OSBP2: variants seen among roughly 807,000 people sequenced by gnomAD.
The protein encoded by OSBP2 is oxysterol-binding protein 2.
A neutral mutation model predicts 96.0 loss-of-function variants in OSBP2; 66 were observed. The ratio of observed to expected loss-of-function variants is 0.69; its 90% confidence interval spans 0.56 to 0.84. The LOEUF is 0.84. Ranked by LOEUF, OSBP2 falls within the 40% of genes least tolerant of loss-of-function variation. The probability of loss-of-function intolerance (pLI) is 0.00; values close to 1 mark genes in which losing one functional copy is unlikely to be tolerated. For synonymous variants in OSBP2, 525 were observed against 520.9 expected, an observed-to-expected ratio of 1.01 and a Z score of -0.11; for missense variants, 1,038 against 1,222.7, an observed-to-expected ratio of 0.85 and a Z score of 2.25.
At position 30,860,471 on chromosome 22, in the gene OSBP2, A is replaced by G. The variant is rs146099468; in HGVS notation, c.854-9958A>G. On this transcript the variant is annotated intron_variant, in intron 2 of 13. Transcript: ENST00000332585. ...CCTTCCATGCTGTCAAACAGGGCTC[A>G]GGGGAGAAGCTGAGCATCTTGCCAG... is the stretch of plus-strand genomic sequence containing the variant. Among the ~76,000 whole-genome samples, 135 of 152,354 alleles carry G rather than the reference A, an allele frequency of 8.9e-4. 2 individuals carry two copies. In the South Asian group the frequency reaches 9.3e-3, roughly 11 times the overall value.
In OSBP2 at chr22:30,862,384, G is replaced by A. The variant is rs372400766; in HGVS notation, c.854-8045G>A. Among the ~76,000 whole-genome samples the A allele has an allele frequency of 7.0e-4, 107 of 152,314 alleles. 1 individual carries two copies. The South Asian group carries it at 0.021, about 30-fold the overall frequency. On this transcript the variant is annotated intron_variant, in intron 2 of 13. Transcript: ENST00000332585. ...GGGTGGCAGGTGCCACTAGGCTGTCGGTAAAGATCAGCAGGCCAGGCACAG... is the reference window on the plus strand; with the variant it reads ...GGGTGGCAGGTGCCACTAGGCTGTCAGTAAAGATCAGCAGGCCAGGCACAG...
chr22:30,721,504 CTGTT>C (rs1335174385), intron 1 of OSBP2, among the ~76,000 whole-genome samples: 2 of 152,156 alleles, frequency 1.3e-5, no homozygotes, highest in Non-Finnish European at 2.9e-5. Flanking sequence ...CACGCAGACT[CTGTT>C]TGGGGAGTCT....
chr22:30,720,279 A>G lies in OSBP2; in HGVS notation c.645-20882A>G, dbSNP rs116243255. ...TGGATCATGAATTCACCTATGGGTG[A>G]TTAATTGGGGTGATCCTGAGTGGGC... On this transcript the variant is annotated intron_variant, in intron 1 of 13. Coordinates refer to ENST00000332585, the MANE Select transcript of OSBP2 (RefSeq NM_030758.4). 5.7e-3 allele frequency among the ~76,000 whole-genome samples: 873 copies of G among 152,256 alleles called. 12 individuals are homozygous for G. Among genetic ancestry groups the G allele is most frequent in the African/African-American group, 0.02 (832 of 41,544 alleles).
At position 30,887,478 on chromosome 22, in the gene OSBP2, G is replaced by A. The variant is rs773458323; in HGVS notation, c.1160G>A (p.Arg387Gln). Reference sequence around the variant, plus strand: ...GAGATACACAGTCGGAAATGGCAGCGGGCACTGCAGTATGAGCAGGAGCAG... The same window carrying A: ...GAGATACACAGTCGGAAATGGCAGCAGGCACTGCAGTATGAGCAGGAGCAG... Reference protein sequence around the residue: ...LAEIHSRKWQRALQYEQEQRV... With the variant: ...LAEIHSRKWQQALQYEQEQRV... The change falls in exon 4 of 14, where the codon CGG becomes CAG. Residue 387 changes from arginine to glutamine, a missense_variant. Physicochemically the swap from Arg to Gln is conservative, Grantham distance 43. Transcript: ENST00000332585. The A allele has an allele frequency of 8.1e-6, 13 of 1,613,770 alleles. No homozygotes were observed. The highest frequency in any genetic ancestry group is 2.2e-5 in the South Asian group (2 of 91,072).
chr22:30,842,240 T>C (rs907834875), intron 2 of OSBP2, among the ~76,000 whole-genome samples: 6 of 152,158 alleles, frequency 3.9e-5, no homozygotes, highest in African/African-American at 1.4e-4. Flanking sequence ...CAGCCAACTA[T>C]GAACAATGCA....
Position 30,710,656 on chromosome 22 carries a change from G to A in OSBP2, c.644+15103G>A, listed in dbSNP as rs1194382604. 1.3e-5 allele frequency among the ~76,000 whole-genome samples: 2 copies of A among 151,882 alleles called. 1 individual carries two copies. Among genetic ancestry groups the A allele is most frequent in the Non-Finnish European group, 2.9e-5 (2 of 67,992 alleles). Reference sequence around the variant, plus strand: ...GACAGGGTCTCACTCTGTCACCCAGGGTGCTGTACAGTGGTGCGATCTCAG... The same window carrying A: ...GACAGGGTCTCACTCTGTCACCCAGAGTGCTGTACAGTGGTGCGATCTCAG... On this transcript the variant is annotated intron_variant, in intron 1 of 13. Transcript: ENST00000332585.
rs1485142705 is a variant in OSBP2, at chr22:30,739,747, A to G, written c.645-1414A>G. Among the ~76,000 whole-genome samples the G allele has an allele frequency of 2.0e-5, 3 of 152,174 alleles. No homozygotes were observed. The East Asian group carries it at 5.8e-4, about 29-fold the overall frequency. ...GCAATAGAGAAAGAGTAATTCACAC[A>G]GAGTCTGCTGTGCGGGAGATGGGAG... On this transcript the variant is annotated intron_variant, in intron 1 of 13. Coordinates refer to ENST00000332585, the MANE Select transcript of OSBP2 (RefSeq NM_030758.4).
intron 2 of OSBP2, chr22:30,822,567 G>C: frequency 6.7e-7 from 1 of 1,483,394 alleles, no homozygotes. Flanking sequence ...ACGCGTCCGT[G>C]CAAGCCCCCG....
At chr22:30,793,158 G>A (rs1159795783) in intron 2 of OSBP2, among the ~76,000 whole-genome samples, 1 of 152,228 alleles carries the variant, frequency 6.6e-6, no homozygotes, top group African/African-American at 2.4e-5. Context: ...GGGAGGCTAA[G>A]GTGGGCGGAT....
intron 3 of OSBP2, among the ~76,000 whole-genome samples, chr22:30,882,407 C>T (rs555624345): frequency 6.6e-6 from 1 of 152,166 alleles, no homozygotes; most frequent in East Asian, 1.9e-4. Context: ...GTGAGATGCT[C>T]AGGGACTTGG....
At chr22:30,765,895 C>T (rs560204678) in intron 2 of OSBP2, among the ~76,000 whole-genome samples, 1 of 152,168 alleles carries the variant, frequency 6.6e-6, no homozygotes, top group Non-Finnish European at 1.5e-5. Context: ...ATGGTTCTCA[C>T]CCCAACTGAG....
Position 30,704,746 on chromosome 22 carries a change from G to A in OSBP2, c.644+9193G>A, listed in dbSNP as rs564778593. ...GTGCTGGTATTACAGGTGTGAGCTG[G>A]AAAGCAGATATTTGCCATAAATCAC... On this transcript the variant is annotated intron_variant, in intron 1 of 13. Coordinates refer to ENST00000332585, the MANE Select transcript of OSBP2 (RefSeq NM_030758.4). 1.8e-4 allele frequency among the ~76,000 whole-genome samples: 28 copies of A among 152,174 alleles called. 1 individual carries two copies. In the South Asian group the frequency reaches 5.6e-3, roughly 30 times the overall value.
intron 2 of OSBP2, among the ~76,000 whole-genome samples, chr22:30,810,397 C>T (rs922603443): frequency 1.3e-5 from 2 of 152,152 alleles, no homozygotes; most frequent in African/African-American, 2.4e-5. Flanking sequence ...TTATGACACC[C>T]TCTATCCATT....
intron 2 of OSBP2, among the ~76,000 whole-genome samples, chr22:30,864,056 C>T (rs1244010320): frequency 2.0e-5 from 3 of 151,838 alleles, no homozygotes; most frequent in Non-Finnish European, 2.9e-5. Context: ...CTACAACCTC[C>T]GCCTCCCAGG....
At chr22:30,776,643 G>A (rs1477646006) in intron 2 of OSBP2, among the ~76,000 whole-genome samples, 1 of 151,578 alleles carries the variant, frequency 6.6e-6, no homozygotes, top group African/African-American at 2.4e-5. Flanking sequence ...ATTTCCTAAG[G>A]GTAAATTCTT....
intron 1 of OSBP2, among the ~76,000 whole-genome samples, chr22:30,729,125 T>C (rs1267547025): frequency 2.0e-5 from 3 of 152,212 alleles, no homozygotes; most frequent in African/African-American, 4.8e-5. Flanking sequence ...CTTTGTGAAG[T>C]GCCTACTCAA....
upstream of OSBP2, chr22:30,694,772 C>A: frequency 1.7e-6 from 1 of 586,468 alleles, no homozygotes; most frequent in Non-Finnish European, 2.1e-6. Context: ...CTGACGGGCA[C>A]GGAGCGCACG....
At chr22:30,872,538 G>T in intron 3 of OSBP2, 1 of 366,592 alleles carries the variant, frequency 2.7e-6, no homozygotes, top group South Asian at 2.0e-5. Flanking sequence ...AACCCCCTGG[G>T]GTTGGTCACG....
At chr22:30,874,959 G>A (rs1472699948) in intron 3 of OSBP2, among the ~76,000 whole-genome samples, 1 of 152,194 alleles carries the variant, frequency 6.6e-6, no homozygotes, top group African/African-American at 2.4e-5. Flanking sequence ...TGGGCTTTGT[G>A]CTCCCTGAGG....
Sources: gnomAD v4.1 joint callset for allele counts (sites outside exome capture counted in the v4.1 genomes callset) on GRCh38, gnomAD v4.1.1 for gene constraint, MANE v1.5 for transcripts, NCBI Gene and HGNC (gene_info 2026-07-23, HGNC 2026-07-21) for gene names.